The following MAP3K20 variants were observed in gnomAD, a reference collection of about 807,000 sequenced individuals.
MAP3K20 encodes the protein mitogen-activated protein kinase kinase kinase 20.
MAP3K20 carries 40 observed loss-of-function variants against 85.7 expected under a neutral mutation model. The observed-to-expected ratio is 0.47, with a 90% CI of 0.36 to 0.61. The LOEUF (loss-of-function observed/expected upper bound fraction) is 0.61. Among genes scored for constraint, MAP3K20 ranks in the 20% least tolerant of loss-of-function variants. The probability of loss-of-function intolerance (pLI) is 0.00; values close to 1 mark genes in which losing one functional copy is unlikely to be tolerated. For missense variants in MAP3K20, 817 were observed against 961.7 expected (o/e 0.85, Z 1.99); for synonymous variants, 325 against 327.7 (o/e 0.99, Z 0.09).
At position 173,090,997 on chromosome 2, in the gene MAP3K20, G is replaced by T; in HGVS notation, c.-34-1G>T. ...GCTTTTCTTTTTCTTTCTTTCTGCA[G>T]ATTTTGTGGAAGTATAATACTTTGT... is the stretch of plus-strand genomic sequence containing the variant. On this transcript the variant is annotated splice_acceptor_variant, in intron 1 of 19. Transcript: ENST00000375213. LOFTEE classifies it low-confidence loss of function (5UTR_SPLICE). 1 of 1,567,916 alleles carries T rather than the reference G, an allele frequency of 6.4e-7. No homozygotes were observed. Among genetic ancestry groups the T allele is most frequent in the Non-Finnish European group, 8.6e-7 (1 of 1,158,786 alleles).
At chr2:173,256,120 GATT>G (rs1685152262) in intron 16 of MAP3K20, among the ~76,000 whole-genome samples, 1 of 152,208 alleles carries the variant, frequency 6.6e-6, no homozygotes, top group South Asian at 2.1e-4. Flanking sequence ...CTTGGCTTGC[GATT>G]CATCTAGAGG....
At chr2:173,118,104 CA>C (rs1283016009) in intron 2 of MAP3K20, among the ~76,000 whole-genome samples, 2 of 152,152 alleles carry the variant, frequency 1.3e-5, no homozygotes, top group African/African-American at 2.4e-5. Context: ...CATCATTTTA[CA>C]AAAAGAGAAA....
intron 7 of MAP3K20, among the ~76,000 whole-genome samples, chr2:173,193,508 C>A (rs138660844): frequency 6.6e-6 from 1 of 152,132 alleles, no homozygotes; most frequent in African/African-American, 2.4e-5. Flanking sequence ...GTGTGAAATG[C>A]CCCCCTCTGC....
intron 2 of MAP3K20, among the ~76,000 whole-genome samples, chr2:173,127,615 C>G (rs901850374): frequency 3.3e-5 from 5 of 151,946 alleles, no homozygotes; most frequent in Non-Finnish European, 7.4e-5. Context: ...CTTGGAGAAG[C>G]CTTTTAAAAA....
chr2:173,161,196 T>C (rs939682752), intron 2 of MAP3K20, among the ~76,000 whole-genome samples: 2 of 152,248 alleles, frequency 1.3e-5, no homozygotes, highest in African/African-American at 2.4e-5. Context: ...TGTAATTGCC[T>C]TGGGCAACAG....
At chr2:173,194,527 A>C (rs1286263154) in intron 7 of MAP3K20, among the ~76,000 whole-genome samples, 1 of 152,140 alleles carries the variant, frequency 6.6e-6, no homozygotes, top group Non-Finnish European at 1.5e-5. Flanking sequence ...GGACCATGTT[A>C]GTTTTAGAAG....
chr2:173,220,212 A>AAGAAGAGG (rs1239214842), intron 11 of MAP3K20, among the ~76,000 whole-genome samples: 1 of 152,202 alleles, frequency 6.6e-6, no homozygotes, highest in Non-Finnish European at 1.5e-5. Context: ...TGTTTCTCAA[A>AAGAAGAGG]AGAAGAGGCA....
intron 9 of MAP3K20, chr2:173,209,520 C>G: frequency 2.4e-6 from 1 of 424,406 alleles, no homozygotes; most frequent in East Asian, 3.8e-5. Context: ...TGAATCTCTC[C>G]TTGTGAATAG....
At chr2:173,170,394 C>A (rs1689967041) in intron 3 of MAP3K20, among the ~76,000 whole-genome samples, 1 of 152,162 alleles carries the variant, frequency 6.6e-6, no homozygotes, top group Non-Finnish European at 1.5e-5. Context: ...TAATTTGGAG[C>A]AGCAGTTTAT....
intron 2 of MAP3K20, among the ~76,000 whole-genome samples, chr2:173,122,178 G>A (rs1688314474): frequency 6.6e-6 from 1 of 152,234 alleles, no homozygotes; most frequent in African/African-American, 2.4e-5. Context: ...TCTGATTACA[G>A]ACAAAGCGAA....
chr2:173,222,171 A>C (rs1684270488), intron 11 of MAP3K20: 1 of 963,692 alleles, frequency 1.0e-6, no homozygotes. Flanking sequence ...GCACCACTGC[A>C]CTCTAGCCTG....
At chr2:173,149,972 G>C (rs971516931) in intron 2 of MAP3K20, among the ~76,000 whole-genome samples, 1 of 152,224 alleles carries the variant, frequency 6.6e-6, no homozygotes, top group Non-Finnish European at 1.5e-5. Context: ...GAGATGATAT[G>C]ATGAATGATG....
At chr2:173,217,320 G>A in intron 11 of MAP3K20, 70 bp downstream of exon 11, 1 of 1,354,434 alleles carries the variant, frequency 7.4e-7, no homozygotes, top group Non-Finnish European at 9.6e-7. Context: ...ATGGCAGCAT[G>A]GCACCTCTTC....
At chr2:173,149,613 AG>A (rs1409409524) in intron 2 of MAP3K20, among the ~76,000 whole-genome samples, 1 of 152,074 alleles carries the variant, frequency 6.6e-6, no homozygotes, top group Non-Finnish European at 1.5e-5. Context: ...TCAATAGCAC[AG>A]GGGGGAGGTG....
In MAP3K20 at chr2:173,084,433, AAAAAG is replaced by A. The variant is rs199600896; in HGVS notation, c.-34-6559_-34-6555del. 3.9e-3 allele frequency among the ~76,000 whole-genome samples: 596 copies of A among 151,958 alleles called. 4 individuals are homozygous for A. Among genetic ancestry groups the A allele is most frequent in the Non-Finnish European group, 3.6e-3 (248 of 67,972 alleles). On this transcript the variant is annotated intron_variant, in intron 1 of 19. Transcript: ENST00000375213. ...TAATGTCCAAAAAGTGCAAAAAAAA[AAAAAG>A]AAAAGTATTGTGTTTTAGCAATTTA... is the stretch of plus-strand genomic sequence containing the variant.
At chr2:173,206,664 C>T (rs537939511) in intron 9 of MAP3K20, among the ~76,000 whole-genome samples, 18 of 152,172 alleles carry the variant, frequency 1.2e-4, no homozygotes, top group Admixed American at 2.0e-4. Context: ...TGGGCCTTAC[C>T]TGGTACAGCT....
At chr2:173,260,174 C>T (rs1311292475) in intron 17 of MAP3K20, among the ~76,000 whole-genome samples, 1 of 152,132 alleles carries the variant, frequency 6.6e-6, no homozygotes, top group African/African-American at 2.4e-5. Context: ...GGAGACCAGC[C>T]TAGACAACAT....
chr2:173,226,130 A>C (rs1477930974), intron 11 of MAP3K20: 14 of 984,498 alleles, frequency 1.4e-5, no homozygotes, highest in African/African-American at 1.8e-5. Context: ...AATTTGTTAG[A>C]CTTTTAAACA....
intron 4 of MAP3K20, among the ~76,000 whole-genome samples, chr2:173,183,641 T>C (rs1229488963): frequency 2.0e-5 from 3 of 152,186 alleles, no homozygotes; most frequent in Non-Finnish European, 4.4e-5. Flanking sequence ...TGGGCTTTAT[T>C]TATAACTGTC....
Sources: gnomAD v4.1 joint callset for allele counts (sites outside exome capture counted in the v4.1 genomes callset) on GRCh38, gnomAD v4.1.1 for gene constraint, MANE v1.5 for transcripts, NCBI Gene and HGNC (gene_info 2026-07-23, HGNC 2026-07-21) for gene names.